The following ST6GALNAC5 variants were observed in gnomAD, a reference collection of about 807,000 sequenced individuals.
ST6GALNAC5 encodes ST6 N-acetylgalactosaminide alpha-2,6-sialyltransferase 5.
ST6GALNAC5 carries 27 observed loss-of-function variants against 33.6 expected under a neutral mutation model. The ratio of observed to expected loss-of-function variants is 0.80; its 90% CI spans 0.59 to 1.11. The LOEUF (loss-of-function observed/expected upper bound fraction) is 1.11. ST6GALNAC5 is among the 50% of genes least tolerant of loss of function. ST6GALNAC5 has a pLI of 0.00. For missense variants in ST6GALNAC5, 428 were observed against 454.0 expected (o/e 0.94, Z 0.52); for synonymous variants, 194 against 171.2 (o/e 1.13, Z -1.04).
At chr1:76,885,924 T>A (rs1465977529) in intron 2 of ST6GALNAC5, among the ~76,000 whole-genome samples, 1 of 152,216 alleles carries the variant, frequency 6.6e-6, no homozygotes, top group Non-Finnish European at 1.5e-5. Flanking sequence ...GATCAGTAGC[T>A]ACTTGGAGGG....
intron 2 of ST6GALNAC5, among the ~76,000 whole-genome samples, chr1:77,014,265 C>T (rs1284032312): frequency 6.6e-6 from 1 of 152,206 alleles, no homozygotes; most frequent in Non-Finnish European, 1.5e-5. Flanking sequence ...ACTTCCACAT[C>T]TATTACCATT....
intron 2 of ST6GALNAC5, among the ~76,000 whole-genome samples, chr1:77,026,267 C>A (rs997880960): frequency 2.0e-5 from 3 of 152,198 alleles, no homozygotes; most frequent in Non-Finnish European, 4.4e-5. Context: ...GCCCTCCTGC[C>A]CAGACCCTGT....
chr1:76,912,083 C>T (rs1432468034), intron 2 of ST6GALNAC5, among the ~76,000 whole-genome samples: 3 of 152,026 alleles, frequency 2.0e-5, no homozygotes, highest in African/African-American at 7.2e-5. Context: ...TTTCCCTCTA[C>T]ACACTGTTTT....
At chr1:76,884,149 C>G (rs1557709080) in intron 2 of ST6GALNAC5, among the ~76,000 whole-genome samples, 1 of 152,124 alleles carries the variant, frequency 6.6e-6, no homozygotes, top group Non-Finnish European at 1.5e-5. Context: ...ATGAAGAGAC[C>G]TCAGGTTTCT....
intron 2 of ST6GALNAC5, among the ~76,000 whole-genome samples, chr1:77,024,089 C>T (rs545843877): frequency 2.5e-4 from 38 of 152,306 alleles, no homozygotes; most frequent in African/African-American, 7.9e-4. Flanking sequence ...TCAGTGTGGG[C>T]CTGGAAGCTT....
chr1:76,959,442 C>T (rs1384437277), intron 2 of ST6GALNAC5, among the ~76,000 whole-genome samples: 2 of 152,156 alleles, frequency 1.3e-5, no homozygotes, highest in Non-Finnish European at 2.9e-5. Flanking sequence ...TTTATCTAGA[C>T]CTTCTGTTCT....
chr1:76,996,343 G>A (rs965312307), intron 2 of ST6GALNAC5, among the ~76,000 whole-genome samples: 2 of 152,182 alleles, frequency 1.3e-5, no homozygotes, highest in African/African-American at 4.8e-5. Context: ...TGTATTAAGT[G>A]CCTACTATGC....
At chr1:76,896,007 T>C (rs1570648298) in intron 2 of ST6GALNAC5, among the ~76,000 whole-genome samples, 2 of 152,182 alleles carry the variant, frequency 1.3e-5, no homozygotes, top group Admixed American at 1.3e-4. Context: ...AGACCTTTAG[T>C]CCGTTCTACT....
At chr1:77,009,726 C>A (rs1286974714) in intron 2 of ST6GALNAC5, among the ~76,000 whole-genome samples, 1 of 152,140 alleles carries the variant, frequency 6.6e-6, no homozygotes, top group Non-Finnish European at 1.5e-5. Flanking sequence ...TATAGGCGAT[C>A]TTTCTCCCCC....
intron 2 of ST6GALNAC5, among the ~76,000 whole-genome samples, chr1:76,960,608 T>C (rs1648194921): frequency 6.6e-6 from 1 of 152,032 alleles, no homozygotes; most frequent in African/African-American, 2.4e-5. Flanking sequence ...GCTTATTTCA[T>C]CCCTACAGCT....
At chr1:77,031,398 G>A (rs540652093) in intron 2 of ST6GALNAC5, among the ~76,000 whole-genome samples, 184 of 152,290 alleles carry the variant, frequency 1.2e-3, no homozygotes, top group Non-Finnish European at 2.2e-3. Flanking sequence ...CCTAACACAG[G>A]CAGTTCAGTA....
chr1:76,877,163 G>A (rs1194193118), intron 2 of ST6GALNAC5, among the ~76,000 whole-genome samples: 2 of 152,194 alleles, frequency 1.3e-5, no homozygotes, highest in Non-Finnish European at 2.9e-5. Flanking sequence ...ACAGCAAAAG[G>A]AGGGTAATTA....
At chr1:76,879,445 G>A (rs369476351) in intron 2 of ST6GALNAC5, among the ~76,000 whole-genome samples, 1 of 152,164 alleles carries the variant, frequency 6.6e-6, no homozygotes, top group African/African-American at 2.4e-5. Flanking sequence ...TCTTATGCCT[G>A]TTCTCCAGAA....
At chr1:77,056,524 A>C (rs1652403206) in intron 4 of ST6GALNAC5, among the ~76,000 whole-genome samples, 1 of 152,208 alleles carries the variant, frequency 6.6e-6, no homozygotes, top group Non-Finnish European at 1.5e-5. Context: ...AATATGAAGG[A>C]CATCTCAAAG....
chr1:76,965,695 T>C (rs1174564257), intron 2 of ST6GALNAC5, among the ~76,000 whole-genome samples: 2 of 152,246 alleles, frequency 1.3e-5, no homozygotes, highest in African/African-American at 4.8e-5. Flanking sequence ...GCCTATGTCC[T>C]GAAAGGTATT....
chr1:76,968,352 C>T (rs367880694), intron 2 of ST6GALNAC5, among the ~76,000 whole-genome samples: 3 of 152,116 alleles, frequency 2.0e-5, no homozygotes, highest in African/African-American at 7.2e-5. Flanking sequence ...TTCTTTGTCT[C>T]TTTTGATCTT....
chr1:77,067,287 T>G lies in ST6GALNAC5; in HGVS notation c.*4081T>G, dbSNP rs944785000. Among the ~76,000 whole-genome samples the G allele has an allele frequency of 1.3e-5, 2 of 152,242 alleles. No individual in the cohort carries two copies. The highest frequency in any genetic ancestry group is 4.8e-5 in the African/African-American group (2 of 41,468). Reference sequence around the variant, plus strand: ...GTGTAGCCCCTCTTTTGTAGCTCACTCATCCCACCTTCTCAGGGTGTTGAA... The same window carrying G: ...GTGTAGCCCCTCTTTTGTAGCTCACGCATCCCACCTTCTCAGGGTGTTGAA... On this transcript the variant is annotated 3_prime_UTR_variant, in exon 5 of 5. Transcript: ENST00000477717.
At chr1:77,030,816 A>G (rs143597740) in intron 2 of ST6GALNAC5, among the ~76,000 whole-genome samples, 53 of 152,340 alleles carry the variant, frequency 3.5e-4, no homozygotes, top group African/African-American at 1.3e-3. Flanking sequence ...TTAAGCTATC[A>G]ATCCTATCTG....
intron 2 of ST6GALNAC5, among the ~76,000 whole-genome samples, chr1:76,970,263 A>C (rs1200175148): frequency 6.6e-6 from 1 of 152,052 alleles, no homozygotes; most frequent in Admixed American, 6.6e-5. Context: ...TCTCTGAGCT[A>C]AAGGAGGATG....
Sources: gnomAD v4.1 joint callset for allele counts (sites outside exome capture counted in the v4.1 genomes callset) on GRCh38, gnomAD v4.1.1 for gene constraint, MANE v1.5 for transcripts, NCBI Gene and HGNC (gene_info 2026-07-23, HGNC 2026-07-21) for gene names.